TTN: variants seen among roughly 807,000 people sequenced by gnomAD.
TTN encodes connectin.
A neutral mutation model predicts 3,223.0 loss-of-function variants in TTN; 1,525 were observed. That is an observed-to-expected ratio of 0.47 (90% confidence interval 0.45 to 0.49). TTN has a LOEUF of 0.49. TTN is among the 20% of genes least tolerant of loss of function. TTN has a pLI of 0.00. For synonymous variants in TTN, 14,094 were observed against 15,161.0 expected (o/e 0.93, Z 5.17); for missense variants, 40,786 against 43,424.0 (o/e 0.94, Z 5.40).
rs774844658 is a variant in TTN at position 178,748,326 on chromosome 2, T to A, written c.11311+4798A>T. 6.2e-6 allele frequency: 10 copies of A among 1,613,040 alleles called. No homozygotes were observed. In the South Asian group the frequency reaches 1.1e-4, roughly 18 times the overall value. On this transcript the variant is annotated intron_variant, in intron 47 of 362. Transcript: ENST00000589042. ...AAAGAAATGGAATTTTCATCAATAC[T>A]ACTTTTCTCCACCATAGTTCTATTT...
Position 178,547,412 on chromosome 2 carries a change from G to A in TTN, c.94214C>T (p.Pro31405Leu). Reference protein sequence around the residue: ...LESAPIIAEHPFVPPSAPTRP... With the variant: ...LESAPIIAEHLFVPPSAPTRP... ...AGGATTTTTATTTTTCTTACCAAATGGATGTTCAGCAATTATTGGTGCTGA... is the reference window on the plus strand; with the variant it reads ...AGGATTTTTATTTTTCTTACCAAATAGATGTTCAGCAATTATTGGTGCTGA... Residue 31405 changes from proline (P) to leucine (L), a missense_variant, in exon 339 of 363, where the codon CCA becomes CTA. Coordinates refer to ENST00000589042, the MANE Select transcript of TTN (RefSeq NM_001267550.2). The A allele has an allele frequency of 6.3e-7, 1 of 1,595,542 alleles. No individual in the cohort carries two copies. The highest frequency in any genetic ancestry group is 2.3e-5 in the East Asian group (1 of 44,284).
At position 178,535,455 on chromosome 2, in the gene TTN, T is replaced by C. The variant is rs775619348; in HGVS notation, c.101160A>G (p.Lys33720=). Residue 33720 remains lysine, a synonymous_variant, in exon 358 of 363, where the codon AAA becomes AAG. Coordinates refer to ENST00000589042, the MANE Select transcript of TTN (RefSeq NM_001267550.2). ...WTEPASDGGS[K]ITNYIVEKCA... is the part of the protein sequence containing the mutation. ...ATTTTTCAACAATGTAGTTGGTGAT[T>C]TTGCTGCCACCATCAGAGGCTGGCT... 1 of 1,613,930 alleles carries C rather than the reference T, an allele frequency of 6.2e-7. No homozygotes were observed. The highest frequency in any genetic ancestry group is 8.5e-7 in the Non-Finnish European group (1 of 1,179,828).
Position 178,535,347 on chromosome 2 carries a change from T to G in TTN, c.101268A>C (p.Thr33756=), listed in dbSNP as rs1690944440. The stretch of plus-strand genomic sequence containing the variant: ...CAGCTATTACCCGGAACTGGTAACT[T>G]GTTTTTCCAAATAAGTTGATCACGG... ...RYTVINLFGK[T]SYQFRVIAEN... Residue 33756 remains threonine (T), a synonymous_variant, in exon 358 of 363, where the codon ACA becomes ACC. Coordinates refer to ENST00000589042, the MANE Select transcript of TTN (RefSeq NM_001267550.2). 1.2e-5 allele frequency: 20 copies of G among 1,613,926 alleles called. No homozygotes were observed. Among genetic ancestry groups the G allele is most frequent in the Non-Finnish European group, 1.7e-5 (20 of 1,179,844 alleles).
intron 106 of TTN, among the ~76,000 whole-genome samples, chr2:178,703,464 AT>A: frequency 6.6e-6 from 1 of 152,202 alleles, no homozygotes; most frequent in East Asian, 1.9e-4. Context: ...GCTTATGTAA[AT>A]CCAATGTCAT....
chr2:178,667,345 T>C (rs1411661196), intron 161 of TTN, 26 bp from the exon 162 acceptor site: 1 of 1,580,410 alleles, frequency 6.3e-7, no homozygotes, highest in African/African-American at 1.4e-5. Flanking sequence ...TAGGTTTACA[T>C]TTAAAAGTTG....
intron 205 of TTN, 56 bp from the exon 206 acceptor site, chr2:178,651,805 A>G (rs2063030046): frequency 3.1e-6 from 5 of 1,604,792 alleles, no homozygotes; most frequent in Non-Finnish European, 4.3e-6. Flanking sequence ...ACAAGACAAA[A>G]GCTCAGAGCA....
chr2:178,775,850 G>A lies in TTN; in HGVS notation c.6014C>T (p.Thr2005Ile). 1 of 1,614,044 alleles carries A rather than the reference G, an allele frequency of 6.2e-7. No individual in the cohort carries two copies. Among genetic ancestry groups the A allele is most frequent in the Non-Finnish European group, 8.5e-7 (1 of 1,180,002 alleles). ...AATGGCTTCATAATAGCCCTCTTCT[G>A]TTCTGCGCTTGAATTTACTGCGCAG... Reference protein sequence around the residue: ...EELRSKFKRRTEEGYYEAITA... With the variant: ...EELRSKFKRRIEEGYYEAITA... The change falls in exon 28 of 363, where the codon ACA becomes ATA. Residue 2005 changes from threonine (T) to isoleucine (I), a missense_variant. Thr to Ile is a moderately conservative substitution (Grantham distance 89). Coordinates refer to ENST00000589042, the MANE Select transcript of TTN (RefSeq NM_001267550.2).
Position 178,562,472 on chromosome 2 carries a change from G to T in TTN, c.83660C>A (p.Pro27887Gln), listed in dbSNP as rs751121559. ...RNTATIKWEK[P>Q]ESDGGSKITG... Reference sequence around the variant, plus strand: ...AATTTTGCTGCCACCATCACTTTCTGGTTTCTCCCACTTAATTGTAGCTGT... The same window carrying T: ...AATTTTGCTGCCACCATCACTTTCTTGTTTCTCCCACTTAATTGTAGCTGT... The change falls in exon 326 of 363, where the codon CCA becomes CAA. Residue 27887 changes from proline (P) to glutamine (Q), a missense_variant. Transcript: ENST00000589042. 6.2e-6 allele frequency: 10 copies of T among 1,613,142 alleles called. No individual in the cohort carries two copies. The highest frequency in any genetic ancestry group is 1.7e-5 in the Admixed American group (1 of 59,936).
In TTN at chr2:178,659,420, T is replaced by A. The variant is rs1353162178; in HGVS notation, c.37286-165A>T. Among the ~76,000 whole-genome samples the A allele has an allele frequency of 1.4e-5, 2 of 142,414 alleles. 1 individual carries two copies. Among genetic ancestry groups the A allele is most frequent in the Non-Finnish European group, 3.2e-5 (2 of 62,736 alleles). The allele number at this position is 142,414 out of a possible 152,430, so 93.4% of individuals were successfully genotyped here. A position where few individuals can be genotyped will look rare whatever the true frequency, so the allele number is the denominator to read the frequency against. ...AAATCAATAAACGTAATCCATCATATAAACAGAACCAACGACAAAAACCAC... is the reference window on the plus strand; with the variant it reads ...AAATCAATAAACGTAATCCATCATAAAAACAGAACCAACGACAAAAACCAC... On this transcript the variant is annotated intron_variant, in intron 180 of 362. Transcript: ENST00000589042.
chr2:178,534,576 G>A lies in TTN; in HGVS notation c.102039C>T (p.Asn34013=). ...TLVYVLLSGI[N]PFLAETNQQI... ...GTTGGTTAGTTTCAGCCAGGAATGG[G>A]TTGATACCACTCAATAGCACATATA... is the stretch of plus-strand genomic sequence containing the variant. Residue 34013 remains asparagine, a synonymous_variant, in exon 358 of 363, where the codon AAC becomes AAT. Transcript: ENST00000589042. 2 of 1,613,860 alleles carry A rather than the reference G, an allele frequency of 1.2e-6. No homozygotes were observed. The highest frequency in any genetic ancestry group is 1.3e-5 in the African/African-American group (1 of 75,010).
In TTN at chr2:178,757,178, A is replaced by AAGTACAGTAATACTGTACTTG. The variant is rs1561093680; in HGVS notation, c.10678+363_10678+364insCAAGTACAGTATTACTGTACT. On this transcript the variant is annotated intron_variant, in intron 45 of 362. Coordinates refer to ENST00000589042, the MANE Select transcript of TTN (RefSeq NM_001267550.2). ...AAGTACAGTAAGTAATACTGTACTT[A>AAGTACAGTAATACTGTACTTG]CTTTAAGTACAGTAAGTAATACTGT... Among the ~76,000 whole-genome samples, 20 of 90,548 alleles carry AAGTACAGTAATACTGTACTTG rather than the reference A, an allele frequency of 2.2e-4. 2 individuals are homozygous for AAGTACAGTAATACTGTACTTG. The highest frequency in any genetic ancestry group is 3.2e-4 in the Non-Finnish European group (14 of 43,754). The allele number at this position is 90,548 out of a possible 152,430, so 59.4% of individuals were successfully genotyped here.
chr2:178,759,226 C>T, intron 43 of TTN, 54 bp from the exon 44 acceptor site: 1 of 1,569,774 alleles, frequency 6.4e-7, no homozygotes, highest in South Asian at 1.1e-5. Flanking sequence ...TGGATTTTTA[C>T]AATTTACCTG....
In TTN at chr2:178,554,526, C is replaced by T. The variant is rs751654793; in HGVS notation, c.88821G>A (p.Arg29607=). ...KIIKGNEYIF[R]VRAVNKYGIG... is the part of the protein sequence containing the mutation. ...TTCCATATTTGTTCACGGCTCGGAC[C>T]CGGAAGATGTATTCATTTCCTTTGA... The change falls in exon 332 of 363, where the codon CGG becomes CGA. Residue 29607 remains arginine (R), a synonymous_variant. Coordinates refer to ENST00000589042, the MANE Select transcript of TTN (RefSeq NM_001267550.2). The T allele has an allele frequency of 1.9e-6, 3 of 1,613,670 alleles. No individual in the cohort carries two copies. Among genetic ancestry groups the T allele is most frequent in the African/African-American group, 1.3e-5 (1 of 75,034 alleles).
At chr2:178,624,818 G>T in intron 241 of TTN, 87 bp from the exon 242 acceptor site, 1 of 1,492,052 alleles carries the variant, frequency 6.7e-7, no homozygotes, top group South Asian at 1.2e-5. Flanking sequence ...GCCATCTCCA[G>T]GGCTTTGTTC....
In TTN at chr2:178,597,860, C is replaced by T. The variant is rs1306235649; in HGVS notation, c.57263-41G>A. Reference sequence around the variant, plus strand: ...AATTACAAATGTGATTTTTCCCCTTCAATCTGAAACATAAATACTGATGGC... The same window carrying T: ...AATTACAAATGTGATTTTTCCCCTTTAATCTGAAACATAAATACTGATGGC... On this transcript the variant is annotated intron_variant, in intron 293 of 362. Coordinates refer to ENST00000589042, the MANE Select transcript of TTN (RefSeq NM_001267550.2). 4 of 1,612,228 alleles carry T rather than the reference C, an allele frequency of 2.5e-6. No homozygotes were observed. In the African/African-American group the frequency reaches 5.3e-5, roughly 22 times the overall value.
At position 178,572,303 on chromosome 2, in the gene TTN, G is replaced by C; in HGVS notation, c.73829C>G (p.Ser24610Cys). 6.2e-7 allele frequency: 1 copy of C among 1,611,764 alleles called. No individual in the cohort carries two copies. The change falls in exon 326 of 363, where the codon TCT (serine) becomes TGT (cysteine). Residue 24610 changes from serine (S) to cysteine (C), a missense_variant. Ser to Cys is a moderately radical substitution (Grantham distance 112). Transcript: ENST00000589042. ...AAGAGGTCGTTCTGATGCTTTCACA[G>C]ATTCTGCGGTTTCAGCAGGCAGCCC... The part of the protein sequence containing the change: ...GIGLPAETAE[S>C]VKASERPLPP...
intron 242 of TTN, among the ~76,000 whole-genome samples, chr2:178,623,366 T>C (rs983440919): frequency 1.3e-5 from 2 of 150,684 alleles, no homozygotes; most frequent in Non-Finnish European, 3.0e-5. Context: ...GGGAGGGTGA[T>C]TAGGATTTTA....
At position 178,551,845 on chromosome 2, in the gene TTN, C is replaced by T. The variant is rs1415254742; in HGVS notation, c.91055G>A (p.Gly30352Asp). The change falls in exon 335 of 363, where the codon GGT becomes GAT. Residue 30352 changes from glycine (G) to aspartate (D), a missense_variant. Gly to Asp is a moderately conservative substitution (Grantham distance 94, BLOSUM62 -1). Transcript: ENST00000589042. Reference sequence around the variant, plus strand: ...ATGGAATCCAGTAACTTCTGAACCACCATCATAAACTGGAGCATCCCAAGT... The same window carrying T: ...ATGGAATCCAGTAACTTCTGAACCATCATCATAAACTGGAGCATCCCAAGT... ...SLTWDAPVYD[G>D]GSEVTGFHVE... The T allele has an allele frequency of 1.9e-6, 3 of 1,613,884 alleles. No individual in the cohort carries two copies. Among genetic ancestry groups the T allele is most frequent in the Non-Finnish European group, 1.7e-6 (2 of 1,179,822 alleles).
Position 178,544,492 on chromosome 2 carries a change from G to A in TTN, c.95737C>T (p.Pro31913Ser), listed in dbSNP as rs770922523. 1.2e-6 allele frequency: 2 copies of A among 1,604,230 alleles called. No individual in the cohort carries two copies. Among genetic ancestry groups the A allele is most frequent in the African/African-American group, 1.3e-5 (1 of 74,744 alleles). The change falls in exon 345 of 363, where the codon CCT (proline) becomes TCT (serine). Residue 31913 changes from proline (P) to serine (S), a missense_variant. By Grantham distance (74) the Pro-to-Ser change is moderately conservative. Coordinates refer to ENST00000589042, the MANE Select transcript of TTN (RefSeq NM_001267550.2). ...CREPSYTPGP[P>S]SAPRVVDTTK... The stretch of plus-strand genomic sequence containing the variant: ...GTATCCACAACTCTTGGAGCAGAAG[G>A]TGGTCCAGGGGTATCTGTGGAATTT...
Sources: gnomAD v4.1 joint callset for allele counts (sites outside exome capture counted in the v4.1 genomes callset) on GRCh38, gnomAD v4.1.1 for gene constraint, MANE v1.5 for transcripts, NCBI Gene and HGNC (gene_info 2026-07-23, HGNC 2026-07-21) for gene names.